The following PTPN4 variants were observed in gnomAD, a reference collection of about 807,000 sequenced individuals.
PTPN4 encodes tyrosine-protein phosphatase non-receptor type 4.
A neutral mutation model predicts 135.5 loss-of-function variants in PTPN4; 49 were observed. The observed-to-expected ratio is 0.36, with a 90% CI of 0.29 to 0.46. The LOEUF (loss-of-function observed/expected upper bound fraction) is 0.46. PTPN4 is among the 20% of genes least tolerant of loss of function. The pLI is 1.00. For synonymous variants in PTPN4, 333 were observed against 369.9 expected, an observed-to-expected ratio of 0.90 and a Z score of 1.14; for missense variants, 860 against 1,101.0, an observed-to-expected ratio of 0.78 and a Z score of 3.10.
chr2:119,878,146 T>C (rs1678013012), intron 5 of PTPN4, among the ~76,000 whole-genome samples: 1 of 152,138 alleles, frequency 6.6e-6, no homozygotes, highest in African/African-American at 2.4e-5. Context: ...ACTATCTAAT[T>C]TTATGGTCAT....
At chr2:119,886,286 A>T (rs573875090) in intron 9 of PTPN4, among the ~76,000 whole-genome samples, 1 of 152,178 alleles carries the variant, frequency 6.6e-6, no homozygotes, top group East Asian at 1.9e-4. Context: ...TAAAAGCACT[A>T]TTACGAGTTT....
intron 11 of PTPN4, 150 bp downstream of exon 11, chr2:119,915,392 C>A: frequency 1.9e-6 from 1 of 522,532 alleles, no homozygotes; most frequent in Non-Finnish European, 3.2e-6. Flanking sequence ...CTTGTTATAA[C>A]AAAATGTACT....
intron 2 of PTPN4, among the ~76,000 whole-genome samples, chr2:119,835,430 G>A (rs371050274): frequency 9.2e-5 from 14 of 152,142 alleles, no homozygotes; most frequent in East Asian, 7.8e-4. Flanking sequence ...TGACCCACCC[G>A]CCTCGGTCCC....
At chr2:119,936,660 T>C (rs1678988550) in intron 15 of PTPN4, among the ~76,000 whole-genome samples, 1 of 152,208 alleles carries the variant, frequency 6.6e-6, no homozygotes, top group Non-Finnish European at 1.5e-5. Flanking sequence ...CTACCCAGTC[T>C]CAGGTATTTC....
chr2:119,976,913 T>G, intron 26 of PTPN4, 71 bp from the exon 27 acceptor site: 1 of 1,541,286 alleles, frequency 6.5e-7, no homozygotes, highest in Non-Finnish European at 8.7e-7. Flanking sequence ...GATGTTTGTC[T>G]TTTTTGGGGG....
chr2:119,788,481 T>G (rs182051393), intron 1 of PTPN4, among the ~76,000 whole-genome samples: 5 of 152,260 alleles, frequency 3.3e-5, no homozygotes, highest in Admixed American at 3.3e-4. Flanking sequence ...TCTTAACCAT[T>G]TTTAAGTGTA....
chr2:119,923,274 T>C (rs1367594418), intron 12 of PTPN4, among the ~76,000 whole-genome samples: 1 of 152,004 alleles, frequency 6.6e-6, no homozygotes, highest in Non-Finnish European at 1.5e-5. Context: ...CTCAGGAGGC[T>C]CAGGGAGGAG....
intron 2 of PTPN4, among the ~76,000 whole-genome samples, chr2:119,816,978 C>T (rs1258781907): frequency 6.6e-6 from 1 of 152,208 alleles, no homozygotes; most frequent in African/African-American, 2.4e-5. Flanking sequence ...AAATGGGTCA[C>T]AGATCCATGT....
At chr2:119,817,535 G>A (rs1677005001) in intron 2 of PTPN4, among the ~76,000 whole-genome samples, 1 of 151,922 alleles carries the variant, frequency 6.6e-6, no homozygotes. Flanking sequence ...GTCTGTTTTT[G>A]TACTAGTACC....
intron 1 of PTPN4, among the ~76,000 whole-genome samples, chr2:119,770,017 G>A (rs1404117752): frequency 6.6e-6 from 1 of 152,102 alleles, no homozygotes; most frequent in East Asian, 1.9e-4. Flanking sequence ...GTATATAGAC[G>A]AGTCACTAGC....
chr2:119,855,241 A>G (rs1290301069), intron 2 of PTPN4, among the ~76,000 whole-genome samples: 1 of 152,184 alleles, frequency 6.6e-6, no homozygotes, highest in African/African-American at 2.4e-5. Flanking sequence ...CTCTTTGTCC[A>G]GCATATACAA....
chr2:119,782,921 T>G (rs1207861410), intron 1 of PTPN4, among the ~76,000 whole-genome samples: 1 of 151,026 alleles, frequency 6.6e-6, no homozygotes, highest in Non-Finnish European at 1.5e-5. Flanking sequence ...TTCCCCAGGC[T>G]GGTCTTCAAC....
At chr2:119,885,621 T>A (rs959739899) in intron 8 of PTPN4, among the ~76,000 whole-genome samples, 174 bp from the exon 9 acceptor site, 8 of 152,194 alleles carry the variant, frequency 5.3e-5, no homozygotes, top group Non-Finnish European at 8.8e-5. Context: ...AAAATAATAA[T>A]TTGGGTTACT....
intron 10 of PTPN4, among the ~76,000 whole-genome samples, chr2:119,911,395 A>G (rs1678568887): frequency 2.0e-5 from 3 of 152,188 alleles, no homozygotes; most frequent in Admixed American, 2.0e-4. Context: ...ATAACATAGA[A>G]AAACCATTTG....
chr2:119,844,360 C>T (rs1198564442), intron 2 of PTPN4, among the ~76,000 whole-genome samples: 6 of 135,270 alleles, frequency 4.4e-5, no homozygotes, highest in African/African-American at 1.4e-4. Flanking sequence ...CCCCCCCCCC[C>T]CACCTCCCTC....
intron 9 of PTPN4, among the ~76,000 whole-genome samples, chr2:119,890,145 C>G (rs1257228927): frequency 6.6e-6 from 1 of 152,004 alleles, no homozygotes; most frequent in East Asian, 1.9e-4. Context: ...GTCTGTGTCT[C>G]TCTTTAGATC....
chr2:119,888,945 A>G (rs1294734299), intron 9 of PTPN4, among the ~76,000 whole-genome samples: 3 of 152,134 alleles, frequency 2.0e-5, no homozygotes, highest in Non-Finnish European at 4.4e-5. Context: ...TCAGCTTTGA[A>G]TCCATCTGGT....
chr2:119,945,804 A>G (rs1679124846), intron 16 of PTPN4, among the ~76,000 whole-genome samples: 1 of 152,072 alleles, frequency 6.6e-6, no homozygotes, highest in South Asian at 2.1e-4. Flanking sequence ...TAATGGATAC[A>G]AGATTTCTTT....
intron 2 of PTPN4, among the ~76,000 whole-genome samples, chr2:119,862,122 TA>T (rs528028690): frequency 3.9e-5 from 6 of 152,154 alleles, no homozygotes; most frequent in Non-Finnish European, 8.8e-5. Context: ...TAATATAAAC[TA>T]AAAAAATATC....
Sources: allele counts gnomAD v4.1 joint callset (sites outside exome capture counted in the v4.1 genomes callset), GRCh38; gene constraint gnomAD v4.1.1; transcripts MANE v1.5; gene names NCBI Gene and HGNC (gene_info 2026-07-23, HGNC 2026-07-21).